Variants in FARSB observed in about 807,000 individuals in gnomAD.
The protein encoded by FARSB is phenylalanine--tRNA ligase beta subunit.
A neutral mutation model predicts 69.6 loss-of-function variants in FARSB; 40 were observed. The observed-to-expected ratio is 0.57, with a 90% CI of 0.45 to 0.75. The LOEUF is 0.75. Among genes scored for constraint, FARSB ranks in the 30% least tolerant of loss-of-function variants. The pLI is 0.00. For missense variants in FARSB, 632 were observed against 722.9 expected (o/e 0.87, Z 1.44); for synonymous variants, 235 against 247.2 (o/e 0.95, Z 0.46).
chr2:222,655,935 A>G, intron 1 of FARSB, 81 bp downstream of exon 1: 1 of 1,155,334 alleles, frequency 8.7e-7, no homozygotes, highest in Non-Finnish European at 1.3e-6. Context: ...GAAGGCATGA[A>G]TGTCGCCACA....
Position 222,571,779 on chromosome 2 carries a change from C to T in FARSB, c.*92G>A. The T allele has an allele frequency of 9.1e-7, 1 of 1,100,614 alleles. No individual in the cohort carries two copies. The highest frequency in any genetic ancestry group is 1.3e-6 in the Non-Finnish European group (1 of 769,680). The allele number at this position is 1,100,614 out of a possible 1,614,324, so 68.2% of individuals were successfully genotyped here. A position where few individuals can be genotyped will look rare whatever the true frequency, so the allele number is the denominator to read the frequency against. On this transcript the variant is annotated 3_prime_UTR_variant, in exon 17 of 17. Coordinates refer to ENST00000281828, the MANE Select transcript of FARSB (RefSeq NM_005687.5). ...TTCTACTTTATTAAACATCAAAGCC[C>T]AAATAGATGTTCCCTGTGGAGGAGG...
chr2:222,630,414 A>T (rs9288575), intron 8 of FARSB, among the ~76,000 whole-genome samples: 1 of 151,992 alleles, frequency 6.6e-6, no homozygotes, highest in South Asian at 2.1e-4. Flanking sequence ...TTCGTTCCCC[A>T]ACCCCCAACC....
intron 16 of FARSB, among the ~76,000 whole-genome samples, chr2:222,572,833 T>C (rs924552842): frequency 6.6e-6 from 1 of 152,236 alleles, no homozygotes; most frequent in Non-Finnish European, 1.5e-5. Flanking sequence ...TCCATATTCA[T>C]GAAATTACCA....
intron 16 of FARSB, among the ~76,000 whole-genome samples, chr2:222,575,149 G>A (rs1689804200): frequency 6.6e-6 from 1 of 152,218 alleles, no homozygotes; most frequent in African/African-American, 2.4e-5. Context: ...TCCACTGTTG[G>A]CAGAAAGGGG....
At chr2:222,635,107 T>C (rs1290754084) in intron 5 of FARSB, among the ~76,000 whole-genome samples, 12 of 152,236 alleles carry the variant, frequency 7.9e-5, no homozygotes, top group Non-Finnish European at 1.8e-4. Flanking sequence ...TTTCACTTGT[T>C]CTACAGTTTA....
At chr2:222,639,230 T>C (rs1029067779) in intron 5 of FARSB, among the ~76,000 whole-genome samples, 1 of 152,200 alleles carries the variant, frequency 6.6e-6, no homozygotes, top group African/African-American at 2.4e-5. Flanking sequence ...AGTAGCATAA[T>C]CCACGACTGA....
At chr2:222,631,865 G>A (rs888951814) in intron 7 of FARSB, among the ~76,000 whole-genome samples, 191 bp from the exon 8 acceptor site, 2 of 152,218 alleles carry the variant, frequency 1.3e-5, no homozygotes, top group African/African-American at 4.8e-5. Flanking sequence ...CTGAGGTCAG[G>A]AGTTCAAGAC....
At chr2:222,630,261 T>C (rs1327300724) in intron 8 of FARSB, 87 bp from the exon 9 acceptor site, 2 of 687,948 alleles carry the variant, frequency 2.9e-6, no homozygotes, top group Non-Finnish European at 4.8e-6. Context: ...AATATAATTG[T>C]GTCCTCACAT....
intron 16 of FARSB, among the ~76,000 whole-genome samples, chr2:222,595,481 G>A (rs1038791065): frequency 2.0e-5 from 3 of 152,170 alleles, no homozygotes; most frequent in Non-Finnish European, 4.4e-5. Context: ...AGATGGTACA[G>A]GATTAAATGT....
rs1689691336 is a variant in FARSB, at chr2:222,570,205, C to G, written c.*1666G>C. Reference sequence around the variant, plus strand: ...GGGAAATGTTTGCTCAACTCTTGCACATTTTTAAAAAACAGTTGTTTTATT... The same window carrying G: ...GGGAAATGTTTGCTCAACTCTTGCAGATTTTTAAAAAACAGTTGTTTTATT... On this transcript the variant is annotated 3_prime_UTR_variant, in exon 17 of 17. Transcript: ENST00000281828. Among the ~76,000 whole-genome samples the G allele has an allele frequency of 6.6e-6, 1 of 152,156 alleles. No homozygotes were observed. The highest frequency in any genetic ancestry group is 1.5e-5 in the Non-Finnish European group (1 of 68,028).
intron 1 of FARSB, among the ~76,000 whole-genome samples, chr2:222,651,764 A>G (rs1692043915): frequency 6.6e-6 from 1 of 152,246 alleles, no homozygotes. Flanking sequence ...ATTGCCAGCT[A>G]GAATTGAAAG....
At chr2:222,609,788 C>T (rs763883438) in intron 15 of FARSB, among the ~76,000 whole-genome samples, 4 of 152,120 alleles carry the variant, frequency 2.6e-5, no homozygotes, top group Non-Finnish European at 4.4e-5. Flanking sequence ...AACTGTCCAA[C>T]GAGGTCAAGC....
chr2:222,602,462 T>C (rs950370193), intron 15 of FARSB, among the ~76,000 whole-genome samples: 1 of 152,042 alleles, frequency 6.6e-6, no homozygotes, highest in Admixed American at 6.5e-5. Context: ...CTACAGCAAT[T>C]AAAACAGAGT....
intron 16 of FARSB, among the ~76,000 whole-genome samples, chr2:222,587,417 AATC>A (rs1410497408): frequency 3.3e-5 from 5 of 152,244 alleles, no homozygotes; most frequent in Non-Finnish European, 7.3e-5. Flanking sequence ...AAAGATCTAA[AATC>A]AACATCCTAA....
chr2:222,635,077 G>A lies in FARSB; in HGVS notation c.456-536C>T, dbSNP rs115334494. ...GTTCAAGTTTACTTTAATGTATAAG[G>A]AAAGTTCAAAAGGTATTCATTTCAC... On this transcript the variant is annotated intron_variant, in intron 5 of 16. Coordinates refer to ENST00000281828, the MANE Select transcript of FARSB (RefSeq NM_005687.5). Among the ~76,000 whole-genome samples the A allele has an allele frequency of 9.1e-3, 1,388 of 152,232 alleles. 25 individuals carry two copies. The highest frequency in any genetic ancestry group is 0.032 in the African/African-American group (1,326 of 41,536).
At chr2:222,605,161 T>TTCTCTCTCTCTCTCTCTC (rs71053093) in intron 15 of FARSB, among the ~76,000 whole-genome samples, 3,741 of 132,582 alleles carry the variant, frequency 0.028, 131 homozygotes, top group African/African-American at 0.044. Context: ...AATACAAACT[T>TTCTCTCTCTCTCTCTCTC]TCTCTCTCTC....
At chr2:222,646,454 T>C (rs1471192832) in intron 2 of FARSB, among the ~76,000 whole-genome samples, 1 of 152,214 alleles carries the variant, frequency 6.6e-6, no homozygotes, top group Non-Finnish European at 1.5e-5. Flanking sequence ...TTGAAATCGC[T>C]TGATAATTTT....
intron 2 of FARSB, among the ~76,000 whole-genome samples, chr2:222,646,607 A>G (rs567971515): frequency 1.3e-5 from 2 of 152,364 alleles, no homozygotes; most frequent in African/African-American, 2.4e-5. Context: ...CTTCACATAT[A>G]TGCTCTCTAT....
intron 10 of FARSB, 50 bp downstream of exon 10, chr2:222,628,787 T>C: frequency 1.6e-6 from 2 of 1,246,318 alleles, no homozygotes; most frequent in Non-Finnish European, 2.4e-6. Flanking sequence ...CTATAGCCAT[T>C]ATTATTAGCA....
Sources: gnomAD v4.1 joint callset for allele counts (sites outside exome capture counted in the v4.1 genomes callset) on GRCh38, gnomAD v4.1.1 for gene constraint, MANE v1.5 for transcripts, NCBI Gene and HGNC (gene_info 2026-07-23, HGNC 2026-07-21) for gene names.